The following ADARB1 variants were observed in gnomAD, a reference collection of about 807,000 sequenced individuals.
ADARB1 encodes the protein adenosine deaminase RNA specific B1, also known as double-stranded RNA-specific editase 1.
In ADARB1, 10 loss-of-function variants were observed where a neutral mutation model predicts 52.4. The observed-to-expected ratio is 0.19, with a 90% CI of 0.12 to 0.32. ADARB1 has a LOEUF of 0.32. Ranked by LOEUF, ADARB1 falls within the 10% of genes least tolerant of loss-of-function variation. The probability of loss-of-function intolerance (pLI) is 1.00; values close to 1 mark genes in which losing one functional copy is unlikely to be tolerated. For synonymous variants in ADARB1, 349 were observed against 371.1 expected (o/e 0.94, Z 0.68); for missense variants, 643 against 922.3 (o/e 0.70, Z 3.92).
At chr21:45,106,752 A>G (rs2087277334) in intron 1 of ADARB1, among the ~76,000 whole-genome samples, 1 of 152,224 alleles carries the variant, frequency 6.6e-6, no homozygotes, top group African/African-American at 2.4e-5. Context: ...GGCTGGATGC[A>G]CTTTTGGGGT....
At chr21:45,219,313 C>T (rs931271983) in intron 9 of ADARB1, among the ~76,000 whole-genome samples, 24 of 152,126 alleles carry the variant, frequency 1.6e-4, no homozygotes, top group African/African-American at 5.1e-4. Context: ...ATCATGAAGT[C>T]AGGAGATTGA....
At chr21:45,155,360 C>T (rs149070392) in intron 2 of ADARB1, among the ~76,000 whole-genome samples, 2 of 152,218 alleles carry the variant, frequency 1.3e-5, no homozygotes, top group African/African-American at 2.4e-5. Flanking sequence ...AGGAAGCAGG[C>T]GGCTGTCGTA....
chr21:45,134,498 G>A (rs1280961584), intron 2 of ADARB1, among the ~76,000 whole-genome samples: 2 of 151,466 alleles, frequency 1.3e-5, no homozygotes, highest in African/African-American at 4.9e-5. Flanking sequence ...CGTACACTCG[G>A]GGTGTGTGTG....
chr21:45,198,626 G>A (rs916769647), intron 8 of ADARB1, among the ~76,000 whole-genome samples: 30 of 152,258 alleles, frequency 2.0e-4, no homozygotes, highest in Admixed American at 3.3e-4. Flanking sequence ...TCTAGACATC[G>A]TTTGTGGGAT....
intron 1 of ADARB1, among the ~76,000 whole-genome samples, chr21:45,088,323 A>G (rs1260149641): frequency 6.6e-6 from 1 of 152,232 alleles, no homozygotes; most frequent in African/African-American, 2.4e-5. Flanking sequence ...GCTGGAAATA[A>G]GGAAGTGGCC....
chr21:45,130,429 C>T (rs890593734), intron 2 of ADARB1, among the ~76,000 whole-genome samples: 2 of 152,198 alleles, frequency 1.3e-5, no homozygotes, highest in African/African-American at 4.8e-5. Flanking sequence ...TAAAATATTA[C>T]GACATGATGA....
At chr21:45,102,057 A>G (rs2087043281) in intron 1 of ADARB1, among the ~76,000 whole-genome samples, 1 of 152,064 alleles carries the variant, frequency 6.6e-6, no homozygotes. Context: ...CACCCAGCTA[A>G]CTTTTTTTAT....
chr21:45,080,420 AAGGGAGGCGGGACTTCAGG>A (rs1324493544), intron 1 of ADARB1, among the ~76,000 whole-genome samples: 1 of 152,156 alleles, frequency 6.6e-6, no homozygotes, highest in African/African-American at 2.4e-5. Flanking sequence ...TCAGCTCTAG[AAGGGAGGCGGGACTTCAGG>A]AGGGAGGCAG....
intron 1 of ADARB1, among the ~76,000 whole-genome samples, chr21:45,076,242 A>G (rs1366756918): frequency 6.6e-6 from 1 of 152,214 alleles, no homozygotes; most frequent in Non-Finnish European, 1.5e-5. Flanking sequence ...CTTGGATAAG[A>G]GAATTAACTG....
At chr21:45,091,043 TTTCA>T (rs1389757336) in intron 1 of ADARB1, among the ~76,000 whole-genome samples, 1 of 152,278 alleles carries the variant, frequency 6.6e-6, no homozygotes, top group Non-Finnish European at 1.5e-5. Context: ...AACTGACATT[TTTCA>T]TTCATGTGTT....
In ADARB1 at chr21:45,175,981, C is replaced by T. The variant is rs2091678627; in HGVS notation, c.280C>T (p.Gln94Ter). The T allele has an allele frequency of 6.2e-7, 1 of 1,613,398 alleles. No homozygotes were observed. The highest frequency in any genetic ancestry group is 8.5e-7 in the Non-Finnish European group (1 of 1,179,796). The change falls in exon 4 of 11, where the codon CAG (glutamine) becomes TAG (stop). Residue 94 changes from glutamine (Q) to a stop codon, truncating the protein, a stop_gained. Transcript: ENST00000348831. LOFTEE classifies it high-confidence loss of function. ...GCTGAATGAGATCAAGCCTGGTTTGCAGTACACACTCCTGTCCCAGACTGG... is the reference window on the plus strand; with the variant it reads ...GCTGAATGAGATCAAGCCTGGTTTGTAGTACACACTCCTGTCCCAGACTGG... ...MQLNEIKPGL[Q>*]YTLLSQTGPV...
intron 2 of ADARB1, among the ~76,000 whole-genome samples, chr21:45,164,571 G>A: frequency 6.6e-6 from 1 of 152,010 alleles, no homozygotes; most frequent in East Asian, 1.9e-4. Flanking sequence ...CGTGTGAGCT[G>A]GGACTTGAGC....
Position 45,176,226 on chromosome 21 carries a change from G to A in ADARB1, c.525G>A (p.Thr175=), listed in dbSNP as rs762647109. ...FTSDQADFPD[T]LFNGFETPDK... is the part of the protein sequence containing the mutation. ...CTGACCAGGCCGACTTCCCTGACACGCTCTTCAATGGTTTTGAAACTCCTG... is the reference window on the plus strand; with the variant it reads ...CTGACCAGGCCGACTTCCCTGACACACTCTTCAATGGTTTTGAAACTCCTG... Residue 175 remains threonine (T), a synonymous_variant, in exon 4 of 11, where the codon ACG becomes ACA. Transcript: ENST00000348831. This position sits in a 1 kb window ranked among gnomAD's most constrained non-coding sequence, Gnocchi z 5.8. The A allele has an allele frequency of 8.1e-6, 13 of 1,614,066 alleles. No individual in the cohort carries two copies. The highest frequency in any genetic ancestry group is 5.5e-5 in the South Asian group (5 of 91,088).
At chr21:45,078,600 A>T (rs1422345315) in intron 1 of ADARB1, among the ~76,000 whole-genome samples, 1 of 152,188 alleles carries the variant, frequency 6.6e-6, no homozygotes, top group African/African-American at 2.4e-5. Context: ...GCCTCCTTGT[A>T]GTATGGTGGT....
chr21:45,083,133 T>G (rs1378060604), intron 1 of ADARB1, among the ~76,000 whole-genome samples: 3 of 152,244 alleles, frequency 2.0e-5, no homozygotes, highest in Non-Finnish European at 4.4e-5. Flanking sequence ...GCAGGGCTAT[T>G]GCTCTGAATC....
chr21:45,223,006 T>C lies in ADARB1; in HGVS notation c.*809T>C. 1 of 985,468 alleles carries C rather than the reference T, an allele frequency of 1.0e-6. No individual in the cohort carries two copies. Among genetic ancestry groups the C allele is most frequent in the Non-Finnish European group, 1.2e-6 (1 of 829,926 alleles). 61.0% of individuals were successfully genotyped at this position (985,468 alleles called of 1,614,324 possible). ...CTTCTAAGTAATCACAGATAATACA[T>C]GGCCAGTAATCCCAGGCTGGCCATT... On this transcript the variant is annotated 3_prime_UTR_variant, in exon 11 of 11. Coordinates refer to ENST00000348831, the MANE Select transcript of ADARB1 (RefSeq NM_001112.4).
Position 45,176,481 on chromosome 21 carries a change from C to T in ADARB1, c.780C>T (p.Ala260=). ...TCTCCGAGAGCGGGGAGAGCCATGC[C>T]AAGAGCTTCGTCATGTCTGTGGTCG... The part of the protein sequence containing the change: ...DFLSESGESH[A]KSFVMSVVVD... The change falls in exon 4 of 11, where the codon GCC becomes GCT. Residue 260 remains alanine (A), a synonymous_variant. Transcript: ENST00000348831. The surrounding 1 kb of genome is among the most constrained non-coding windows in gnomAD (Gnocchi z 5.8). 1.9e-6 allele frequency: 3 copies of T among 1,614,150 alleles called. No homozygotes were observed. Among genetic ancestry groups the T allele is most frequent in the South Asian group, 1.1e-5 (1 of 91,060 alleles).
intron 1 of ADARB1, among the ~76,000 whole-genome samples, chr21:45,075,799 G>A (rs1017016867): frequency 1.3e-5 from 2 of 152,194 alleles, no homozygotes; most frequent in African/African-American, 4.8e-5. Flanking sequence ...TTGGTCAGCA[G>A]GTTTGGGCTG....
At position 45,176,358 on chromosome 21, in the gene ADARB1, G is replaced by A. The variant is rs766424463; in HGVS notation, c.657G>A (p.Gln219=). 2 of 1,614,056 alleles carry A rather than the reference G, an allele frequency of 1.2e-6. No individual in the cohort carries two copies. The highest frequency in any genetic ancestry group is 3.3e-5 in the Admixed American group (2 of 60,008). ...CCCCGGTGCCTGCCAGCCTAGCCCA[G>A]CCTCCTCTCCCTGTCTTACCACCAT... is the stretch of plus-strand genomic sequence containing the variant. ...SASPVPASLA[Q]PPLPVLPPFP... is the part of the protein sequence containing the mutation. Residue 219 remains glutamine, a synonymous_variant, in exon 4 of 11, where the codon CAG becomes CAA. Transcript: ENST00000348831. This position sits in a 1 kb window ranked among gnomAD's most constrained non-coding sequence, Gnocchi z 5.8.
Sources: gnomAD v4.1 joint callset for allele counts (sites outside exome capture counted in the v4.1 genomes callset) on GRCh38, gnomAD v4.1.1 for gene constraint, Gnocchi (gnomAD v3.1) non-coding constraint, MANE v1.5 for transcripts, NCBI Gene and HGNC (gene_info 2026-07-23, HGNC 2026-07-21) for gene names.